Variants in KNTC1 observed in about 807,000 individuals in gnomAD.
KNTC1 encodes the protein kinetochore associated 1, also known as kinetochore-associated protein 1.
A neutral mutation model predicts 314.4 loss-of-function variants in KNTC1; 253 were observed. The observed-to-expected ratio is 0.80, with a 90% confidence interval of 0.73 to 0.89. The LOEUF is 0.89. Ranked by LOEUF, KNTC1 falls within the 40% of genes least tolerant of loss-of-function variation. KNTC1 has a pLI of 0.00. For synonymous variants in KNTC1, 901 were observed against 901.4 expected, an observed-to-expected ratio of 1.00 and a Z score of 0.01; for missense variants, 2,475 against 2,572.9, an observed-to-expected ratio of 0.96 and a Z score of 0.82.
At chr12:122,610,752 A>G in intron 52 of KNTC1, 70 bp from the exon 53 acceptor site, 1 of 982,972 alleles carries the variant, frequency 1.0e-6, no homozygotes, top group African/African-American at 1.6e-5. Flanking sequence ...ATGGATAGAA[A>G]GATAAGTCTG....
At chr12:122,546,830 T>G (rs1446653389) in intron 10 of KNTC1, among the ~76,000 whole-genome samples, 156 bp downstream of exon 10, 1 of 144,056 alleles carries the variant, frequency 6.9e-6, no homozygotes, top group Non-Finnish European at 1.5e-5. Flanking sequence ...TCCTGAAATG[T>G]AATTTTTTTT....
intron 20 of KNTC1, 94 bp downstream of exon 20, chr12:122,562,793 C>T (rs1228430887): frequency 1.4e-5 from 10 of 710,086 alleles, no homozygotes; most frequent in East Asian, 1.2e-4. Context: ...GCAGATCACC[C>T]GAGATCAGGA....
chr12:122,584,825 A>G, intron 35 of KNTC1, 68 bp from the exon 36 acceptor site: 2 of 809,508 alleles, frequency 2.5e-6, no homozygotes, highest in Middle Eastern at 3.2e-4. Context: ...GTAATTATTA[A>G]AAGGTTGTTT....
At chr12:122,623,336 G>A (rs1874640208) in intron 62 of KNTC1, among the ~76,000 whole-genome samples, 1 of 152,208 alleles carries the variant, frequency 6.6e-6, no homozygotes, top group Non-Finnish European at 1.5e-5. Flanking sequence ...GGAGAAGGAA[G>A]AAGTGGGCTG....
chr12:122,557,415 T>C lies in KNTC1; in HGVS notation c.1304T>C (p.Leu435Ser). ...TACAAGGTCAAGTCAAATCATATAT[T>C]GGAGAAACTGGCATTGAGTTCTGTG... Reference protein sequence around the residue: ...LVYKVKSNHILEKLALSSVDA... With the variant: ...LVYKVKSNHISEKLALSSVDA... The change falls in exon 17 of 64, where the codon TTG becomes TCG. Residue 435 changes from leucine (L) to serine (S), a missense_variant. Leu to Ser is a moderately radical substitution (Grantham distance 145). Coordinates refer to ENST00000333479, the MANE Select transcript of KNTC1 (RefSeq NM_014708.6). 6.2e-7 allele frequency: 1 copy of C among 1,613,728 alleles called. No individual in the cohort carries two copies. Among genetic ancestry groups the C allele is most frequent in the Non-Finnish European group, 8.5e-7 (1 of 1,179,762 alleles).
chr12:122,591,039 G>T (rs866794840), intron 41 of KNTC1, among the ~76,000 whole-genome samples: 1 of 151,904 alleles, frequency 6.6e-6, no homozygotes, highest in South Asian at 2.1e-4. Context: ...TGTTTTTGTA[G>T]GATAAGTTTA....
rs1203800403 is a variant in KNTC1 at position 122,603,195 on chromosome 12, G to A, written c.5053G>A (p.Glu1685Lys). The A allele has an allele frequency of 6.2e-7, 1 of 1,613,158 alleles. No individual in the cohort carries two copies. Among genetic ancestry groups the A allele is most frequent in the African/African-American group, 1.3e-5 (1 of 74,898 alleles). The change falls in exon 48 of 64, where the codon GAG (glutamate) becomes AAG (lysine). Residue 1685 changes from glutamate (E) to lysine (K), a missense_variant. Glu to Lys is a moderately conservative substitution (Grantham distance 56, BLOSUM62 1). Coordinates refer to ENST00000333479, the MANE Select transcript of KNTC1 (RefSeq NM_014708.6). ...ESCLLSIVNP[E>K]WAVAIAISLA... ...CTGCTTACTCTCTATAGTCAACCCA[G>A]AGTGGGCTGTAGCTATTGCCATCAG...
intron 38 of KNTC1, 49 bp downstream of exon 38, chr12:122,586,806 A>ATTTG: frequency 1.7e-6 from 1 of 599,096 alleles, no homozygotes; most frequent in Non-Finnish European, 2.3e-6. Flanking sequence ...TTATTTATTT[A>ATTTG]TTTATTTATT....
At chr12:122,623,385 CA>C (rs1874646521) in intron 62 of KNTC1, among the ~76,000 whole-genome samples, 1 of 152,156 alleles carries the variant, frequency 6.6e-6, no homozygotes, top group South Asian at 2.1e-4. Context: ...CAGTACACAC[CA>C]GATCCATCCC....
intron 40 of KNTC1, among the ~76,000 whole-genome samples, chr12:122,589,870 G>A (rs1024250018): frequency 5.3e-5 from 7 of 132,814 alleles, no homozygotes; most frequent in South Asian, 2.5e-4. Flanking sequence ...TGCAAGCTCC[G>A]CCTCCCAGGT....
rs138410183 is a variant in KNTC1 at position 122,543,990 on chromosome 12, G to A, written c.559-169G>A. Among the ~76,000 whole-genome samples, 933 of 151,630 alleles carry A rather than the reference G, an allele frequency of 6.2e-3. 6 individuals carry two copies. The highest frequency in any genetic ancestry group is 0.032 in the South Asian group (154 of 4,804). ...CTTGAACTCGGGAGGCAGAGGTTGT[G>A]GTGAGCCGAGATTGCGCCATTGCAC... On this transcript the variant is annotated intron_variant, in intron 7 of 63. Coordinates refer to ENST00000333479, the MANE Select transcript of KNTC1 (RefSeq NM_014708.6).
intron 2 of KNTC1, among the ~76,000 whole-genome samples, chr12:122,534,056 G>A (rs1242075205): frequency 6.6e-6 from 1 of 152,198 alleles, no homozygotes; most frequent in Non-Finnish European, 1.5e-5. Context: ...TGTGTGGGAG[G>A]CTCTTGGCAA....
chr12:122,559,648 C>G (rs1411193763), intron 18 of KNTC1, among the ~76,000 whole-genome samples: 1 of 151,868 alleles, frequency 6.6e-6, no homozygotes, highest in African/African-American at 2.4e-5. Context: ...TCTCGGCTCA[C>G]TGCAACCTCC....
At chr12:122,555,414 T>C (rs1298405676) in intron 16 of KNTC1, among the ~76,000 whole-genome samples, 3 of 152,134 alleles carry the variant, frequency 2.0e-5, no homozygotes, top group Non-Finnish European at 4.4e-5. Flanking sequence ...TAGCTGGGCA[T>C]GGCAGTGGAT....
chr12:122,613,646 C>G lies in KNTC1; in HGVS notation c.5762C>G (p.Thr1921Ser). 6.2e-7 allele frequency: 1 copy of G among 1,608,284 alleles called. No homozygotes were observed. Among genetic ancestry groups the G allele is most frequent in the East Asian group, 2.2e-5 (1 of 44,622 alleles). Residue 1921 changes from threonine (T) to serine (S), a missense_variant, in exon 55 of 64, where the codon ACT becomes AGT. Transcript: ENST00000333479. Reference protein sequence around the residue: ...EEVKSYLRCITFLASFETLNI... With the variant: ...EEVKSYLRCISFLASFETLNI... ...TCCAGATCTTATTTGAGATGTATAA[C>G]TTTTCTGGCATCATTTGAGACTTTG...
intron 26 of KNTC1, 86 bp downstream of exon 26, chr12:122,573,371 A>C (rs553374616): frequency 1.6e-5 from 19 of 1,225,446 alleles, no homozygotes; most frequent in Admixed American, 1.5e-4. Context: ...AAGGAATGTC[A>C]TATGCTTTCT....
intron 18 of KNTC1, among the ~76,000 whole-genome samples, chr12:122,559,220 G>A (rs553547645): frequency 6.6e-6 from 1 of 152,136 alleles, no homozygotes; most frequent in South Asian, 2.1e-4. Flanking sequence ...TCCAGGCATG[G>A]TGGCACGCAC....
chr12:122,547,438 T>G lies in KNTC1; in HGVS notation c.840T>G (p.Ile280Met). 1 of 1,611,454 alleles carries G rather than the reference T, an allele frequency of 6.2e-7. No homozygotes were observed. ...AGAACGTGCTGAGTTTATGGGATAT[T>G]TACACTCTAACTCCTGTATGGAACT... is the stretch of plus-strand genomic sequence containing the variant. Reference protein sequence around the residue: ...DTDNVLSLWDIYTLTPVWNWP... With the variant: ...DTDNVLSLWDMYTLTPVWNWP... Residue 280 changes from isoleucine to methionine, a missense_variant, in exon 11 of 64, where the codon ATT becomes ATG. By Grantham distance (10) the Ile-to-Met change is conservative. Transcript: ENST00000333479.
At chr12:122,625,922 A>G (rs1874992189) in intron 63 of KNTC1, among the ~76,000 whole-genome samples, 2 of 152,240 alleles carry the variant, frequency 1.3e-5, no homozygotes, top group South Asian at 2.1e-4. Context: ...GCATATTAGA[A>G]TGAGCCCGCA....
Sources: gnomAD v4.1 joint callset for allele counts (sites outside exome capture counted in the v4.1 genomes callset) on GRCh38, gnomAD v4.1.1 for gene constraint, MANE v1.5 for transcripts, NCBI Gene and HGNC (gene_info 2026-07-23, HGNC 2026-07-21) for gene names.